Variants in GALNT14 observed in about 807,000 individuals in gnomAD.
GALNT14 encodes polypeptide N-acetylgalactosaminyltransferase 14, also known as UDP-GalNAc:polypeptide N-acetylgalactosaminyltransferase 14.
Under a neutral mutation model 77.5 loss-of-function variants are expected in GALNT14, and 60 were observed. The ratio of observed to expected loss-of-function variants is 0.77; its 90% CI spans 0.63 to 0.96. The LOEUF (loss-of-function observed/expected upper bound fraction) is 0.96. Ranked by LOEUF, GALNT14 falls within the 40% of genes least tolerant of loss-of-function variation. The probability of loss-of-function intolerance (pLI) is 0.00; values close to 1 mark genes in which losing one functional copy is unlikely to be tolerated. For missense variants in GALNT14, 710 were observed against 731.0 expected, an observed-to-expected ratio of 0.97 and a Z score of 0.33; for synonymous variants, 280 against 281.7, an observed-to-expected ratio of 0.99 and a Z score of 0.06.
intron 10 of GALNT14, 59 bp downstream of exon 10, chr2:30,932,009 C>A: frequency 7.0e-7 from 1 of 1,430,564 alleles, no homozygotes; most frequent in Admixed American, 2.7e-5. Context: ...TTACCAGCAG[C>A]CGCCCAGCCT....
chr2:31,114,386 G>A (rs1431681583), intron 1 of GALNT14, among the ~76,000 whole-genome samples: 1 of 151,900 alleles, frequency 6.6e-6, no homozygotes, highest in Non-Finnish European at 1.5e-5. Flanking sequence ...GGAGACAAAG[G>A]GCAACTCAAA....
At chr2:31,079,277 T>C (rs1300296541) in intron 1 of GALNT14, among the ~76,000 whole-genome samples, 2 of 152,152 alleles carry the variant, frequency 1.3e-5, no homozygotes, top group Non-Finnish European at 2.9e-5. Context: ...ACTCGCTGTA[T>C]GGCAGATGCA....
Position 31,138,277 on chromosome 2 carries a change from G to A in GALNT14, c.-191C>T, listed in dbSNP as rs1679320700. The A allele has an allele frequency of 3.1e-6, 2 of 646,000 alleles. No individual in the cohort carries two copies. Among genetic ancestry groups the A allele is most frequent in the Non-Finnish European group, 5.1e-6 (2 of 388,672 alleles). 40.0% of individuals were successfully genotyped at this position (646,000 alleles called of 1,614,324 possible). On this transcript the variant is annotated 5_prime_UTR_variant, in exon 1 of 15. Coordinates refer to ENST00000349752, the MANE Select transcript of GALNT14 (RefSeq NM_024572.4). ...CGAAGAGAAGCGAGCCTGGGTGGGGGGTGCAGGGCGACCCGAAACGTGGCA... is the reference window on the plus strand; with the variant it reads ...CGAAGAGAAGCGAGCCTGGGTGGGGAGTGCAGGGCGACCCGAAACGTGGCA...
intron 1 of GALNT14, among the ~76,000 whole-genome samples, chr2:31,079,768 T>C (rs1373417544): frequency 6.6e-6 from 1 of 152,098 alleles, no homozygotes; most frequent in African/African-American, 2.4e-5. Context: ...CGGGCTTCCT[T>C]AGTCATGTAC....
intron 7 of GALNT14, among the ~76,000 whole-genome samples, chr2:30,945,179 A>G (rs1195317388): frequency 2.6e-5 from 4 of 152,170 alleles, no homozygotes; most frequent in Non-Finnish European, 5.9e-5. Context: ...TCTGCTGTGT[A>G]GGGTTAGAAA....
At chr2:30,892,796 A>G in the GALNT14 span, among the ~76,000 whole-genome samples, 1 of 152,122 alleles carries the variant, frequency 6.6e-6, no homozygotes, top group Non-Finnish European at 1.5e-5. Flanking sequence ...TGAGTATTAA[A>G]CTGCCTTTAT....
At chr2:30,916,208 A>G (rs1019373884) in intron 13 of GALNT14, among the ~76,000 whole-genome samples, 3 of 152,224 alleles carry the variant, frequency 2.0e-5, no homozygotes, top group Non-Finnish European at 2.9e-5. Context: ...CTTTAGATGA[A>G]TGCACACTCA....
chr2:31,070,841 C>A (rs1336574554), intron 1 of GALNT14, among the ~76,000 whole-genome samples: 2 of 152,162 alleles, frequency 1.3e-5, no homozygotes, highest in Admixed American at 1.3e-4. Context: ...CTGGCCCTAC[C>A]CAGGGACAGG....
chr2:30,994,998 G>A (rs1022389616), intron 1 of GALNT14, among the ~76,000 whole-genome samples: 1 of 152,142 alleles, frequency 6.6e-6, no homozygotes, highest in Non-Finnish European at 1.5e-5. Flanking sequence ...TGTCAAATGA[G>A]TTCGATCTTG....
chr2:31,066,771 A>G (rs1674995353), intron 1 of GALNT14, among the ~76,000 whole-genome samples: 1 of 151,142 alleles, frequency 6.6e-6, no homozygotes, highest in African/African-American at 2.4e-5. Context: ...CCCCCCACCA[A>G]GGCCAGCCTG....
rs199694822 is a variant in GALNT14, at chr2:30,958,433, G to A, written c.430C>T (p.Arg144Trp). 4.3e-5 allele frequency: 69 copies of A among 1,614,008 alleles called. No individual in the cohort carries two copies. The highest frequency in any genetic ancestry group is 3.0e-4 in the Admixed American group (18 of 60,002). ...AAGTCATCCACTAATATGATTTCCCGGATCAGATGCGTAGGGGTGCGGTTT... is the reference window on the plus strand; with the variant it reads ...AAGTCATCCACTAATATGATTTCCCAGATCAGATGCGTAGGGGTGCGGTTT... ...VLNRTPTHLI[R>W]EIILVDDFSN... Residue 144 changes from arginine to tryptophan, a missense_variant, in exon 4 of 15, where the codon CGG becomes TGG. Arg to Trp is a moderately radical substitution (Grantham distance 101). Coordinates refer to ENST00000349752, the MANE Select transcript of GALNT14 (RefSeq NM_024572.4).
chr2:31,055,563 G>C (rs1674155631), intron 1 of GALNT14, among the ~76,000 whole-genome samples: 1 of 152,154 alleles, frequency 6.6e-6, no homozygotes, highest in South Asian at 2.1e-4. Context: ...CTGCTACCGA[G>C]TGTCTGTGCC....
chr2:31,048,950 C>A (rs560507768), intron 1 of GALNT14, among the ~76,000 whole-genome samples: 2 of 152,322 alleles, frequency 1.3e-5, no homozygotes, highest in East Asian at 3.9e-4. Flanking sequence ...CAAATGCCCC[C>A]TCCAACCTTC....
chr2:30,909,462 C>A (rs1360747241), downstream of GALNT14, among the ~76,000 whole-genome samples: 1 of 151,540 alleles, frequency 6.6e-6, no homozygotes, highest in African/African-American at 2.4e-5. Flanking sequence ...TGAAAAAATG[C>A]TCATCATCAC....
chr2:30,929,469 A>G lies in GALNT14; in HGVS notation c.1077T>C (p.Ala359=). The G allele has an allele frequency of 6.2e-7, 1 of 1,614,020 alleles. No individual in the cohort carries two copies. Among genetic ancestry groups the G allele is most frequent in the Non-Finnish European group, 8.5e-7 (1 of 1,179,936 alleles). Residue 359 remains alanine (A), a synonymous_variant, in exon 11 of 15, where the codon GCT becomes GCC. Coordinates refer to ENST00000349752, the MANE Select transcript of GALNT14 (RefSeq NM_024572.4). The part of the protein sequence containing the change: ...NTYIKNTKRT[A]EVWMDEYKQY... ...GCTTGTATTCATCCATCCACACTTC[A>G]GCTGTCCGCTTGGTGTTCCTGGGAA...
At chr2:31,033,679 C>T (rs575029643) in intron 1 of GALNT14, among the ~76,000 whole-genome samples, 9 of 152,214 alleles carry the variant, frequency 5.9e-5, no homozygotes, top group South Asian at 2.1e-4. Flanking sequence ...CATCCCTAAC[C>T]GTTTTGACTT....
intron 9 of GALNT14, among the ~76,000 whole-genome samples, chr2:30,940,816 T>A (rs1332389862): frequency 6.6e-6 from 1 of 152,168 alleles, no homozygotes; most frequent in African/African-American, 2.4e-5. Context: ...CCAGAAGGCC[T>A]TCATGGGCTG....
At chr2:31,038,840 G>T (rs890426539) in intron 1 of GALNT14, among the ~76,000 whole-genome samples, 2 of 151,884 alleles carry the variant, frequency 1.3e-5, no homozygotes, top group Admixed American at 1.3e-4. Flanking sequence ...CTGCCTACTG[G>T]GTTCAAGAGA....
intron 1 of GALNT14, among the ~76,000 whole-genome samples, chr2:31,026,553 C>G (rs968121800): frequency 3.3e-5 from 5 of 152,198 alleles, no homozygotes; most frequent in African/African-American, 1.2e-4. Context: ...CTGGCAGCCA[C>G]ATGAAGATAT....
Sources: gnomAD v4.1 joint callset for allele counts (sites outside exome capture counted in the v4.1 genomes callset) on GRCh38, gnomAD v4.1.1 for gene constraint, MANE v1.5 for transcripts, NCBI Gene and HGNC (gene_info 2026-07-23, HGNC 2026-07-21) for gene names.